PLEKHG3: variants seen among roughly 807,000 people sequenced by gnomAD.
The protein encoded by PLEKHG3 is pleckstrin homology domain-containing family G member 3.
PLEKHG3 carries 62 observed loss-of-function variants against 94.9 expected under a neutral mutation model. That is an observed-to-expected ratio of 0.65 (90% CI 0.53 to 0.81). The LOEUF is 0.81. Among genes scored for constraint, PLEKHG3 ranks in the 30% least tolerant of loss-of-function variants. The probability of loss-of-function intolerance (pLI) is 0.00; values close to 1 mark genes in which losing one functional copy is unlikely to be tolerated. For missense variants in PLEKHG3, 1,461 were observed against 1,619.3 expected, an observed-to-expected ratio of 0.90 and a Z score of 1.68; for synonymous variants, 614 against 654.0, an observed-to-expected ratio of 0.94 and a Z score of 0.93.
intron 12 of PLEKHG3, among the ~76,000 whole-genome samples, chr14:64,734,568 A>G (rs894918441): frequency 1.3e-5 from 2 of 152,256 alleles, no homozygotes; most frequent in African/African-American, 2.4e-5. Flanking sequence ...TAGGTGTCCA[A>G]GGCACTCAGG....
At position 64,722,297 on chromosome 14, in the gene PLEKHG3, C is replaced by A. The variant is rs1215373329; in HGVS notation, c.-39-5296C>A. Among the ~76,000 whole-genome samples, 1 of 152,156 alleles carries A rather than the reference C, an allele frequency of 6.6e-6. No individual in the cohort carries two copies. ...TGGTGCGATCTCAGCTCACTGCAAC[C>A]TCCTGGGTTCAAGCAATTCTCCTGC... On this transcript the variant is annotated intron_variant, in intron 1 of 16. Transcript: ENST00000247226. This position sits in a 1 kb window ranked among gnomAD's most constrained non-coding sequence, Gnocchi z 4.3.
At chr14:64,740,540 C>A (rs977803812) in intron 15 of PLEKHG3, among the ~76,000 whole-genome samples, 1 of 152,212 alleles carries the variant, frequency 6.6e-6, no homozygotes, top group Non-Finnish European at 1.5e-5. Flanking sequence ...GAGGCCCTGT[C>A]CCCTGAGGAA....
At position 64,716,662 on chromosome 14, in the gene PLEKHG3, G is replaced by A. The variant is rs1347892554; in HGVS notation, c.-39-10931G>A. On this transcript the variant is annotated intron_variant, in intron 1 of 16. Coordinates refer to ENST00000247226, the MANE Select transcript of PLEKHG3 (RefSeq NM_001308147.2). This position sits in a 1 kb window ranked among gnomAD's most constrained non-coding sequence, Gnocchi z 5.0. ...CAGCTGGTAGAGCAGTTGAAAGGAG[G>A]TTATTCCCCTGCCCTGTCTCCTCCC... Among the ~76,000 whole-genome samples, 1 of 152,110 alleles carries A rather than the reference G, an allele frequency of 6.6e-6. No individual in the cohort carries two copies. Among genetic ancestry groups the A allele is most frequent in the Admixed American group, 6.5e-5 (1 of 15,278 alleles).
Position 64,746,940 on chromosome 14 carries a change from G to C in PLEKHG3, c.*3237G>C, listed in dbSNP as rs751966336. On this transcript the variant is annotated 3_prime_UTR_variant, in exon 17 of 17. Coordinates refer to ENST00000247226, the MANE Select transcript of PLEKHG3 (RefSeq NM_001308147.2). This position sits in a 1 kb window ranked among gnomAD's most constrained non-coding sequence, Gnocchi z 4.9. ...AGGGCACTGGGAGAGCTTAGCCCTGGTGTGGCACACACAGGGTCTCCCAAA... is the reference window on the plus strand; with the variant it reads ...AGGGCACTGGGAGAGCTTAGCCCTGCTGTGGCACACACAGGGTCTCCCAAA... The C allele has an allele frequency of 5.2e-5, 8 of 152,632 alleles. No individual in the cohort carries two copies. The highest frequency in any genetic ancestry group is 1.2e-4 in the Non-Finnish European group (8 of 68,056). 9.5% of individuals were successfully genotyped at this position (152,632 alleles called of 1,614,324 possible).
At position 64,749,703 on chromosome 14, in the gene PLEKHG3, G is replaced by T; in HGVS notation, c.*6000G>T. On this transcript the variant is annotated 3_prime_UTR_variant, in exon 17 of 17. Transcript: ENST00000247226. The surrounding 1 kb of genome is among the most constrained non-coding windows in gnomAD (Gnocchi z 4.7). ...CTCGCTGCCATTACTCAGCCTAGGA[G>T]GACAAAGGGTTTCCTGTCATGGAGA... 7.4e-6 allele frequency: 12 copies of T among 1,613,700 alleles called. No homozygotes were observed. Among genetic ancestry groups the T allele is most frequent in the Non-Finnish European group, 1.0e-5 (12 of 1,179,876 alleles).
In PLEKHG3 at chr14:64,749,184, G is replaced by C; in HGVS notation, c.*5481G>C. ...TTTTGCAGTGCAGCGTGGGGCCCGG[G>C]GGCCCGGCCCGCGACTCGACTCATC... On this transcript the variant is annotated 3_prime_UTR_variant, in exon 17 of 17. Transcript: ENST00000247226. The surrounding 1 kb of genome is among the most constrained non-coding windows in gnomAD (Gnocchi z 4.7). 8.0e-7 allele frequency: 1 copy of C among 1,249,800 alleles called. No individual in the cohort carries two copies. Among genetic ancestry groups the C allele is most frequent in the Non-Finnish European group, 1.1e-6 (1 of 906,568 alleles). 77.4% of individuals were successfully genotyped at this position (1,249,800 alleles called of 1,614,324 possible).
intron 3 of PLEKHG3, 53 bp downstream of exon 3, chr14:64,729,146 G>A (rs750738646): frequency 1.3e-4 from 105 of 808,764 alleles, no homozygotes; most frequent in Non-Finnish European, 1.3e-4. Context: ...GCCCACCTCA[G>A]GGCCTAGGGA....
Position 64,719,024 on chromosome 14 carries a change from C to T in PLEKHG3, c.-39-8569C>T, listed in dbSNP as rs112151277. On this transcript the variant is annotated intron_variant, in intron 1 of 16. Coordinates refer to ENST00000247226, the MANE Select transcript of PLEKHG3 (RefSeq NM_001308147.2). ...GCGCCTCTGGGATCTGCTATAGCTG[C>T]GGGATTCGGACTCACTTAATACTTC... 1.8e-3 allele frequency among the ~76,000 whole-genome samples: 269 copies of T among 152,238 alleles called. 2 individuals are homozygous for T. The highest frequency in any genetic ancestry group is 6.3e-3 in the African/African-American group (260 of 41,522).
Position 64,739,219 on chromosome 14 carries a change from G to C in PLEKHG3, c.1518+364G>C, listed in dbSNP as rs1308913313. 1.3e-5 allele frequency among the ~76,000 whole-genome samples: 2 copies of C among 152,190 alleles called. No individual in the cohort carries two copies. Among genetic ancestry groups the C allele is most frequent in the South Asian group, 2.1e-4 (1 of 4,836 alleles). On this transcript the variant is annotated intron_variant, in intron 15 of 16. Transcript: ENST00000247226. This position sits in a 1 kb window ranked among gnomAD's most constrained non-coding sequence, Gnocchi z 4.1. ...GCCAGACATTGAAATCACACCTGTG[G>C]TCACCTGGGCAAAGGGTAGAGAACT...
chr14:64,736,390 T>C (rs1339732699), intron 12 of PLEKHG3, among the ~76,000 whole-genome samples: 2 of 152,222 alleles, frequency 1.3e-5, no homozygotes, highest in African/African-American at 4.8e-5. Flanking sequence ...ACCTCTGCTT[T>C]CCAGCTGGGA....
Position 64,728,507 on chromosome 14 carries a change from A to C in PLEKHG3, c.352-489A>C, listed in dbSNP as rs2081395993. 6.6e-6 allele frequency among the ~76,000 whole-genome samples: 1 copy of C among 152,188 alleles called. No individual in the cohort carries two copies. Among genetic ancestry groups the C allele is most frequent in the South Asian group, 2.1e-4 (1 of 4,832 alleles). On this transcript the variant is annotated intron_variant, in intron 2 of 16. Transcript: ENST00000247226. The surrounding 1 kb of genome is among the most constrained non-coding windows in gnomAD (Gnocchi z 5.9). ...CACACTGGGTGGCTTAAAACAGCAA[A>C]TGTGTTCTCACTCAGTTCAGGAGGC...
rs1209692754 is a variant in PLEKHG3, at chr14:64,745,456, A to G, written c.*1753A>G. ...GGTCAAGGGAAGATCAGAGGGACCC[A>G]GATTCTTTTTTATCCCCCACTTGAA... is the stretch of plus-strand genomic sequence containing the variant. On this transcript the variant is annotated 3_prime_UTR_variant, in exon 17 of 17. Transcript: ENST00000247226. This position sits in a 1 kb window ranked among gnomAD's most constrained non-coding sequence, Gnocchi z 5.0. 1 of 152,228 alleles carries G rather than the reference A, an allele frequency of 6.6e-6. No homozygotes were observed. The highest frequency in any genetic ancestry group is 1.9e-4 in the East Asian group (1 of 5,174). 9.4% of individuals were successfully genotyped at this position (152,228 alleles called of 1,614,324 possible).
rs142454418 is a variant in PLEKHG3, at chr14:64,721,644, CAA to C, written c.-39-5947_-39-5946del. Reference sequence around the variant, plus strand: ...GGCAGTCACGTTGCTCACATGCACACAAAGTCACTCCCCGGGGAGCCTTCTCT... The same window carrying C: ...GGCAGTCACGTTGCTCACATGCACACAGTCACTCCCCGGGGAGCCTTCTCT... On this transcript the variant is annotated intron_variant, in intron 1 of 16. Coordinates refer to ENST00000247226, the MANE Select transcript of PLEKHG3 (RefSeq NM_001308147.2). The surrounding 1 kb of genome is among the most constrained non-coding windows in gnomAD (Gnocchi z 4.3). Among the ~76,000 whole-genome samples the C allele has an allele frequency of 0.017, 2,591 of 152,310 alleles. 68 individuals are homozygous for C. Among genetic ancestry groups the C allele is most frequent in the African/African-American group, 0.059 (2,468 of 41,554 alleles).
At position 64,736,837 on chromosome 14, in the gene PLEKHG3, A is replaced by G. The variant is rs1566711887; in HGVS notation, c.1346-16A>G. 7.5e-6 allele frequency: 12 copies of G among 1,609,076 alleles called. No homozygotes were observed. The highest frequency in any genetic ancestry group is 2.2e-5 in the South Asian group (2 of 91,006). On this transcript the variant is annotated splice_polypyrimidine_tract_variant and intron_variant, in intron 12 of 16. Coordinates refer to ENST00000247226, the MANE Select transcript of PLEKHG3 (RefSeq NM_001308147.2). Reference sequence around the variant, plus strand: ...TTCCTGGCCCGCGCTGACTCTGCTCATGCTTTCCTCCTCAGAGCCAACCAA... The same window carrying G: ...TTCCTGGCCCGCGCTGACTCTGCTCGTGCTTTCCTCCTCAGAGCCAACCAA...
At position 64,706,827 on chromosome 14, in the gene PLEKHG3, C is replaced by G. The variant is rs747808259; in HGVS notation, c.-40+2123C>G. On this transcript the variant is annotated intron_variant, in intron 1 of 16. Transcript: ENST00000247226. ...CTCTGTTGCAGAGGTATGCCTTGCC[C>G]GTTCTCTTCTCCCAGCTCCCAGAAC... 3.3e-5 allele frequency among the ~76,000 whole-genome samples: 5 copies of G among 152,252 alleles called. No individual in the cohort carries two copies. The East Asian group carries it at 9.6e-4, about 29-fold the overall frequency.
At chr14:64,736,957 C>T in intron 13 of PLEKHG3, 66 bp downstream of exon 13, 2 of 1,215,514 alleles carry the variant, frequency 1.6e-6, no homozygotes, top group Non-Finnish European at 2.4e-6. Flanking sequence ...GGGGAAGCAG[C>T]CGACAACCTG....
Position 64,717,287 on chromosome 14 carries a change from C to T in PLEKHG3, c.-39-10306C>T, listed in dbSNP as rs1021223694. The stretch of plus-strand genomic sequence containing the variant: ...TGCTGTATCACCTTCGAAGAAGAGG[C>T]GAGGCCTGAGGGAGGGGGAAGGCCA... On this transcript the variant is annotated intron_variant, in intron 1 of 16. Coordinates refer to ENST00000247226, the MANE Select transcript of PLEKHG3 (RefSeq NM_001308147.2). This position sits in a 1 kb window ranked among gnomAD's most constrained non-coding sequence, Gnocchi z 4.7. Among the ~76,000 whole-genome samples the T allele has an allele frequency of 6.6e-6, 1 of 152,070 alleles. No individual in the cohort carries two copies. Among genetic ancestry groups the T allele is most frequent in the Non-Finnish European group, 1.5e-5 (1 of 68,020 alleles).
chr14:64,750,142 G>A lies in PLEKHG3; in HGVS notation c.*6439G>A, dbSNP rs1437599682. Reference sequence around the variant, plus strand: ...CACTGTTCCTGAGCACACAGTACAGGTTGTTCCAGGACCTGCAAAGATGCA... The same window carrying A: ...CACTGTTCCTGAGCACACAGTACAGATTGTTCCAGGACCTGCAAAGATGCA... On this transcript the variant is annotated 3_prime_UTR_variant, in exon 17 of 17. Coordinates refer to ENST00000247226, the MANE Select transcript of PLEKHG3 (RefSeq NM_001308147.2). The A allele has an allele frequency of 2.5e-6, 4 of 1,612,600 alleles. No homozygotes were observed. Among genetic ancestry groups the A allele is most frequent in the Non-Finnish European group, 3.4e-6 (4 of 1,178,712 alleles).
At position 64,750,107 on chromosome 14, in the gene PLEKHG3, A is replaced by G; in HGVS notation, c.*6404A>G. ...GGCCAGGTTCTTGGCATCCTTGTAG[A>G]AGGTTAGCTCACTGTTCCTGAGCAC... On this transcript the variant is annotated 3_prime_UTR_variant, in exon 17 of 17. Transcript: ENST00000247226. The G allele has an allele frequency of 6.2e-7, 1 of 1,614,182 alleles. No individual in the cohort carries two copies. The highest frequency in any genetic ancestry group is 1.1e-5 in the South Asian group (1 of 91,086).
Sources: allele counts gnomAD v4.1 joint callset (sites outside exome capture counted in the v4.1 genomes callset), GRCh38; gene constraint gnomAD v4.1.1; non-coding constraint Gnocchi (gnomAD v3.1); transcripts MANE v1.5; gene names NCBI Gene and HGNC (gene_info 2026-07-23, HGNC 2026-07-21).